VWA5B1: variants seen among roughly 807,000 people sequenced by gnomAD.
VWA5B1 encodes the protein von Willebrand factor A domain-containing protein 5B1.
VWA5B1 carries 115 observed loss-of-function variants against 118.2 expected under a neutral mutation model. The observed-to-expected ratio is 0.97, with a 90% confidence interval of 0.84 to 1.14. VWA5B1 has a LOEUF of 1.14. Ranked by LOEUF, VWA5B1 falls within the 50% of genes most tolerant of loss-of-function variation. VWA5B1 has a pLI of 0.00. For missense variants in VWA5B1, 1,596 were observed against 1,603.8 expected (o/e 1.00, Z 0.08); for synonymous variants, 682 against 658.4 (o/e 1.04, Z -0.55).
chr1:20,297,818 T>C (rs1444588862), intron 1 of VWA5B1, among the ~76,000 whole-genome samples: 4 of 152,094 alleles, frequency 2.6e-5, no homozygotes, highest in African/African-American at 4.8e-5. Context: ...AAACCTCTTG[T>C]GTTATTTCCC....
intron 4 of VWA5B1, among the ~76,000 whole-genome samples, chr1:20,316,548 G>A (rs1416686803): frequency 6.6e-6 from 1 of 152,196 alleles, no homozygotes; most frequent in Non-Finnish European, 1.5e-5. Flanking sequence ...TTACAAGGAT[G>A]TGTGCATATG....
rs544182271 is a variant in VWA5B1, at chr1:20,310,109, A to T, written c.-26-467A>T. On this transcript the variant is annotated intron_variant, in intron 1 of 21. Transcript: ENST00000289815. ...AGCGTTCACTGCAGTGGGCAGCCTC[A>T]CTGAAGTCAGAGGAGGGACGTGGTG... Among the ~76,000 whole-genome samples, 46 of 152,170 alleles carry T rather than the reference A, an allele frequency of 3.0e-4. No homozygotes were observed. In the South Asian group the frequency reaches 9.5e-3, roughly 32 times the overall value.
intron 1 of VWA5B1, among the ~76,000 whole-genome samples, chr1:20,297,344 C>T (rs1456576215): frequency 6.6e-6 from 1 of 152,240 alleles, no homozygotes; most frequent in East Asian, 1.9e-4. Context: ...CACATTCCTC[C>T]ATGATCGCTG....
rs2089607340 is a variant in VWA5B1, at chr1:20,332,782, A to G, written c.1589A>G (p.Lys530Arg). 2 of 1,551,568 alleles carry G rather than the reference A, an allele frequency of 1.3e-6. No individual in the cohort carries two copies. The highest frequency in any genetic ancestry group is 1.4e-5 in the African/African-American group (1 of 73,040). ...GCCCTACAGATGGTCAAATCCTTGA[A>G]GAAGGCCATGGCCCCAGTCCTGAGC... ...RLQPKMVKSLKKAMAPVLSDV... is the reference protein window; with the variant it reads ...RLQPKMVKSLRKAMAPVLSDV... Residue 530 changes from lysine (K) to arginine (R), a missense_variant, in exon 12 of 22, where the codon AAG becomes AGG. By Grantham distance (26) the Lys-to-Arg change is conservative. Transcript: ENST00000289815.
In VWA5B1 at chr1:20,312,870, G is replaced by C. The variant is rs16823861; in HGVS notation, c.174G>C (p.Thr58=). The C allele has an allele frequency of 6.4e-7, 1 of 1,551,628 alleles. No individual in the cohort carries two copies. The highest frequency in any genetic ancestry group is 8.7e-7 in the Non-Finnish European group (1 of 1,146,968). ...LFVYPLDECT[T]VIGFEAVIAD... ...TGTACCCCCTGGATGAGTGCACCAC[G>C]GTGATCGGCTTTGAGGCAGTCATTG... The change falls in exon 3 of 22, where the codon ACG becomes ACC. Residue 58 remains threonine (T), a synonymous_variant. Coordinates refer to ENST00000289815, the MANE Select transcript of VWA5B1 (RefSeq NM_001039500.3).
intron 4 of VWA5B1, among the ~76,000 whole-genome samples, chr1:20,316,824 C>T (rs1467637859): frequency 1.3e-5 from 2 of 152,112 alleles, no homozygotes; most frequent in Admixed American, 6.5e-5. Flanking sequence ...CAGGACGTGG[C>T]GTGACGCAGT....
At chr1:20,314,209 G>A (rs902784728) in intron 3 of VWA5B1, 113 bp from the exon 4 acceptor site, 5 of 1,125,584 alleles carry the variant, frequency 4.4e-6, no homozygotes, top group Middle Eastern at 4.1e-4. Flanking sequence ...CCCTCAAGCT[G>A]AGCCTTGATT....
chr1:20,341,196 C>G (rs976269268), intron 14 of VWA5B1, among the ~76,000 whole-genome samples: 2 of 152,224 alleles, frequency 1.3e-5, no homozygotes, highest in South Asian at 2.1e-4. Flanking sequence ...CCAACCCCTA[C>G]TGATGCCAAC....
At chr1:20,330,033 T>A in intron 9 of VWA5B1, 147 bp from the exon 10 acceptor site, 2 of 891,776 alleles carry the variant, frequency 2.2e-6, no homozygotes, top group Admixed American at 2.3e-5. Flanking sequence ...CCATTCTTCC[T>A]GTGAGTGTGG....
In VWA5B1 at chr1:20,350,148, T is replaced by A. The variant is rs574770368; in HGVS notation, c.2879-8T>A. ...AGAGGTCCAGCCTCACTGGCTCCTCTGTCCTAGACATGGAGGCAAGTCCCA... is the reference window on the plus strand; with the variant it reads ...AGAGGTCCAGCCTCACTGGCTCCTCAGTCCTAGACATGGAGGCAAGTCCCA... On this transcript the variant is annotated splice_polypyrimidine_tract_variant and splice_region_variant and intron_variant, in intron 18 of 21. Coordinates refer to ENST00000289815, the MANE Select transcript of VWA5B1 (RefSeq NM_001039500.3). 8.4e-6 allele frequency: 13 copies of A among 1,551,048 alleles called. No individual in the cohort carries two copies. In the South Asian group the frequency reaches 1.5e-4, roughly 18 times the overall value.
intron 8 of VWA5B1, among the ~76,000 whole-genome samples, chr1:20,324,566 T>C (rs1165246598): frequency 6.6e-6 from 1 of 152,196 alleles, no homozygotes; most frequent in Non-Finnish European, 1.5e-5. Flanking sequence ...TATCTCTTTA[T>C]TGATCCGGGT....
rs1191055442 is a variant in VWA5B1 at position 20,312,933 on chromosome 1, C to G, written c.237C>G (p.Ala79=). Residue 79 remains alanine, a synonymous_variant, in exon 3 of 22, where the codon GCC becomes GCG. Transcript: ENST00000289815. Reference sequence around the variant, plus strand: ...TGACAGTACAGATCAAGGACAAAGCCAAGCTGGAGAGCGGCCACTTCGATG... The same window carrying G: ...TGACAGTACAGATCAAGGACAAAGCGAAGCTGGAGAGCGGCCACTTCGATG... The part of the protein sequence containing the change: ...RVVTVQIKDK[A]KLESGHFDAS... 6.4e-7 allele frequency: 1 copy of G among 1,551,566 alleles called. No individual in the cohort carries two copies.
At chr1:20,293,748 C>T (rs750428655) in intron 1 of VWA5B1, among the ~76,000 whole-genome samples, 17 of 152,188 alleles carry the variant, frequency 1.1e-4, no homozygotes, top group Non-Finnish European at 2.4e-4. Flanking sequence ...TCTTTTCATC[C>T]TATGAAACCC....
In VWA5B1 at chr1:20,318,644, C is replaced by T. The variant is rs1222989886; in HGVS notation, c.764C>T (p.Ser255Leu). 5.8e-6 allele frequency: 9 copies of T among 1,550,268 alleles called. No homozygotes were observed. Among genetic ancestry groups the T allele is most frequent in the Admixed American group, 2.0e-5 (1 of 50,846 alleles). ...GCCGACGCCGCCCCATCTGCCCGCTCGGCCAAGAGCATCATCATCACCTTG... is the reference window on the plus strand; with the variant it reads ...GCCGACGCCGCCCCATCTGCCCGCTTGGCCAAGAGCATCATCATCACCTTG... ...IRADAAPSARSAKSIIITLAN... is the reference protein window; with the variant it reads ...IRADAAPSARLAKSIIITLAN... The change falls in exon 6 of 22, where the codon TCG becomes TTG. Residue 255 changes from serine to leucine, a missense_variant. Physicochemically the swap from Ser to Leu is moderately radical, Grantham distance 145. Coordinates refer to ENST00000289815, the MANE Select transcript of VWA5B1 (RefSeq NM_001039500.3).
intron 1 of VWA5B1, among the ~76,000 whole-genome samples, chr1:20,302,267 A>G (rs1440382819): frequency 6.6e-6 from 1 of 152,130 alleles, no homozygotes; most frequent in Non-Finnish European, 1.5e-5. Flanking sequence ...AAAGGAGACT[A>G]CAGCTATCTC....
At chr1:20,296,351 G>T (rs2088406840) in intron 1 of VWA5B1, among the ~76,000 whole-genome samples, 1 of 152,200 alleles carries the variant, frequency 6.6e-6, no homozygotes, top group Non-Finnish European at 1.5e-5. Context: ...CAAAGCCAAA[G>T]GATTGCACGG....
rs990003391 is a variant in VWA5B1 at position 20,312,831 on chromosome 1, G to A, written c.140-5G>A. ...ACCCCGTGATGCTGGGCCCTGCTCC[G>A]ACAGGCCTCTTCGTGTACCCCCTGG... On this transcript the variant is annotated splice_polypyrimidine_tract_variant and splice_region_variant and intron_variant, in intron 2 of 21. Transcript: ENST00000289815. 14 of 1,547,366 alleles carry A rather than the reference G, an allele frequency of 9.0e-6. No homozygotes were observed. In the Admixed American group the frequency reaches 9.8e-5, roughly 11 times the overall value.
intron 1 of VWA5B1, among the ~76,000 whole-genome samples, chr1:20,295,154 G>C (rs2088380453): frequency 6.6e-6 from 1 of 152,154 alleles, no homozygotes; most frequent in African/African-American, 2.4e-5. Context: ...GGATGAGTAG[G>C]TTTCAAAACA....
At chr1:20,311,668 C>T (rs770858660) in intron 2 of VWA5B1, among the ~76,000 whole-genome samples, 5 of 152,174 alleles carry the variant, frequency 3.3e-5, no homozygotes, top group Non-Finnish European at 5.9e-5. Context: ...GGCCAGGATT[C>T]CCTTCCTATC....
Sources: allele counts gnomAD v4.1 joint callset (sites outside exome capture counted in the v4.1 genomes callset), GRCh38; gene constraint gnomAD v4.1.1; transcripts MANE v1.5; gene names NCBI Gene and HGNC (gene_info 2026-07-23, HGNC 2026-07-21).